The following RYR2 variants were observed in gnomAD, a reference collection of about 807,000 sequenced individuals.
RYR2 encodes cardiac muscle ryanodine receptor-calcium release channel.
A neutral mutation model predicts 601.1 loss-of-function variants in RYR2; 227 were observed. That is an observed-to-expected ratio of 0.38 (90% CI 0.34 to 0.42). The LOEUF is 0.42. Ranked by LOEUF, RYR2 falls within the 10% of genes least tolerant of loss-of-function variation. The pLI, the probability that RYR2 is intolerant of heterozygous loss-of-function variation, is 1.00. For missense variants in RYR2, 4,646 were observed against 6,156.5 expected (o/e 0.75, Z 8.21); for synonymous variants, 2,223 against 2,175.1 (o/e 1.02, Z -0.61).
chr1:237,587,877 A>G (rs1564272), intron 29 of RYR2, among the ~76,000 whole-genome samples: 43,746 of 152,050 alleles, frequency 0.29, 6,832 homozygotes, highest in East Asian at 0.61. Context: ...AAATAAAGTG[A>G]TCAGAAAGAA....
chr1:237,101,273 G>T (rs967186305), intron 1 of RYR2, among the ~76,000 whole-genome samples: 5 of 126,264 alleles, frequency 4.0e-5, no homozygotes, highest in African/African-American at 6.0e-5. Context: ...TTACCTGCCA[G>T]ATTTCAGTCA....
At chr1:237,276,182 G>A (rs756419276) in intron 2 of RYR2, among the ~76,000 whole-genome samples, 4 of 152,008 alleles carry the variant, frequency 2.6e-5, no homozygotes, top group African/African-American at 7.2e-5. Context: ...TAACTGAAAC[G>A]TCCACCTCCT....
chr1:237,623,858 A>T lies in RYR2; in HGVS notation c.6010A>T (p.Met2004Leu), dbSNP rs1209637116. ...DQLLDFHEDL[M>L]THCGIELDED... ...ACTATTGGATTTCCATGAAGATTTG[A>T]TGACACATTGTGGTAAGGTCTTTTT... is the stretch of plus-strand genomic sequence containing the variant. The change falls in exon 39 of 105, where the codon ATG (methionine) becomes TTG (leucine). Residue 2004 changes from methionine (M) to leucine (L), a missense_variant. Coordinates refer to ENST00000366574, the MANE Select transcript of RYR2 (RefSeq NM_001035.3). The T allele has an allele frequency of 6.2e-7, 1 of 1,606,100 alleles. No individual in the cohort carries two copies. The highest frequency in any genetic ancestry group is 1.1e-5 in the South Asian group (1 of 90,924).
chr1:237,596,957 A>C (rs551992356), intron 34 of RYR2, among the ~76,000 whole-genome samples: 1 of 152,244 alleles, frequency 6.6e-6, no homozygotes, highest in Non-Finnish European at 1.5e-5. Flanking sequence ...AAGCAAAAGC[A>C]GAATGAATTC....
intron 2 of RYR2, among the ~76,000 whole-genome samples, chr1:237,319,767 C>A (rs1695448297): frequency 6.6e-6 from 1 of 152,116 alleles, no homozygotes; most frequent in Non-Finnish European, 1.5e-5. Flanking sequence ...AGATTTACTT[C>A]CTGCTGGTTC....
intron 5 of RYR2, among the ~76,000 whole-genome samples, chr1:237,368,729 G>T (rs1001715548): frequency 2.0e-5 from 3 of 152,154 alleles, no homozygotes; most frequent in African/African-American, 7.2e-5. Context: ...TGGGAGGAAT[G>T]AGAAGTTTTT....
intron 1 of RYR2, among the ~76,000 whole-genome samples, chr1:237,209,639 G>T (rs544228975): frequency 6.6e-6 from 1 of 151,976 alleles, no homozygotes; most frequent in Non-Finnish European, 1.5e-5. Flanking sequence ...GATCACTTGA[G>T]TTCAGGAGTT....
At chr1:237,478,483 G>T (rs576261887) in intron 17 of RYR2, among the ~76,000 whole-genome samples, 14 of 152,302 alleles carry the variant, frequency 9.2e-5, no homozygotes, top group Admixed American at 8.5e-4. Context: ...GGATTTAGCA[G>T]TTGTTGGTAG....
intron 1 of RYR2, among the ~76,000 whole-genome samples, chr1:237,051,971 G>A (rs1292995882): frequency 6.6e-6 from 1 of 152,204 alleles, no homozygotes; most frequent in Non-Finnish European, 1.5e-5. Flanking sequence ...CATTACCAGA[G>A]CCTTGCAGGC....
intron 10 of RYR2, among the ~76,000 whole-genome samples, chr1:237,390,177 A>G (rs1202026332): frequency 1.4e-5 from 2 of 145,572 alleles, no homozygotes; most frequent in Admixed American, 6.6e-5. Context: ...ATAAGAGACC[A>G]TGCCAGAGTC....
chr1:237,255,872 T>TGTG (rs1687916134), intron 1 of RYR2, among the ~76,000 whole-genome samples: 2 of 151,348 alleles, frequency 1.3e-5, no homozygotes, highest in South Asian at 4.2e-4. Flanking sequence ...TGTGTGTGTG[T>TGTG]GAGTTTAGCT....
Position 237,594,028 on chromosome 1 carries a change from A to G in RYR2, c.4436+392A>G, listed in dbSNP as rs544730481. On this transcript the variant is annotated intron_variant, in intron 33 of 104. Coordinates refer to ENST00000366574, the MANE Select transcript of RYR2 (RefSeq NM_001035.3). ...TGGTGGGGAGAAAACTGTGAAGACAATGTGGGCTGGTAGTTTAGACCAGGT... is the reference window on the plus strand; with the variant it reads ...TGGTGGGGAGAAAACTGTGAAGACAGTGTGGGCTGGTAGTTTAGACCAGGT... Among the ~76,000 whole-genome samples the G allele has an allele frequency of 1.4e-4, 21 of 152,308 alleles. No individual in the cohort carries two copies. The South Asian group carries it at 4.3e-3, about 32-fold the overall frequency.
chr1:237,504,564 C>G lies in RYR2; in HGVS notation c.2613+1059C>G, dbSNP rs557391031. On this transcript the variant is annotated intron_variant, in intron 22 of 104. Coordinates refer to ENST00000366574, the MANE Select transcript of RYR2 (RefSeq NM_001035.3). Reference sequence around the variant, plus strand: ...GTATACATGCAAGTCACAGGGGATGCGAAGGCTTGGCTTGGGCTCAGAGGC... The same window carrying G: ...GTATACATGCAAGTCACAGGGGATGGGAAGGCTTGGCTTGGGCTCAGAGGC... Among the ~76,000 whole-genome samples, 233 of 152,230 alleles carry G rather than the reference C, an allele frequency of 1.5e-3. 2 individuals carry two copies. Among genetic ancestry groups the G allele is most frequent in the African/African-American group, 5.3e-3 (222 of 41,546 alleles).
chr1:237,198,583 T>C (rs1201298401), intron 1 of RYR2, among the ~76,000 whole-genome samples: 1 of 152,118 alleles, frequency 6.6e-6, no homozygotes, highest in Non-Finnish European at 1.5e-5. Flanking sequence ...CTGAGAAATG[T>C]TGAAAAATGT....
intron 104 of RYR2, among the ~76,000 whole-genome samples, chr1:237,832,114 C>G (rs1279395055): frequency 6.6e-6 from 1 of 152,114 alleles, no homozygotes; most frequent in Non-Finnish European, 1.5e-5. Context: ...TCAGGACCTA[C>G]TACAGCCTTG....
At chr1:237,423,048 T>C in intron 11 of RYR2, 44 bp from the exon 12 acceptor site, 1 of 1,579,840 alleles carries the variant, frequency 6.3e-7, no homozygotes, top group Non-Finnish European at 8.6e-7. Flanking sequence ...ACTCCTTCTG[T>C]GATTGTGGGT....
At chr1:237,710,853 G>T (rs1249354508) in intron 70 of RYR2, among the ~76,000 whole-genome samples, 2 of 152,068 alleles carry the variant, frequency 1.3e-5, no homozygotes, top group South Asian at 2.1e-4. Context: ...ATGAATGAAT[G>T]TATAAATAAA....
At chr1:237,155,917 A>G (rs548639418) in intron 1 of RYR2, among the ~76,000 whole-genome samples, 55 of 152,252 alleles carry the variant, frequency 3.6e-4, no homozygotes, top group African/African-American at 1.2e-3. Flanking sequence ...ATATGGTGGC[A>G]CCCTTTCTGA....
Position 237,183,347 on chromosome 1 carries a change from C to T in RYR2, c.49-87150C>T, listed in dbSNP as rs6657599. On this transcript the variant is annotated intron_variant, in intron 1 of 104. Coordinates refer to ENST00000366574, the MANE Select transcript of RYR2 (RefSeq NM_001035.3). Reference sequence around the variant, plus strand: ...TTAGTTGGAGCAAAAGGACTAGAACCAAGAAAGAGGAATTTAGAAGGAGGC... The same window carrying T: ...TTAGTTGGAGCAAAAGGACTAGAACTAAGAAAGAGGAATTTAGAAGGAGGC... 2.9e-3 allele frequency among the ~76,000 whole-genome samples: 443 copies of T among 152,134 alleles called. 1 individual carries two copies. Among genetic ancestry groups the T allele is most frequent in the African/African-American group, 0.01 (425 of 41,520 alleles).
Sources: allele counts gnomAD v4.1 joint callset (sites outside exome capture counted in the v4.1 genomes callset), GRCh38; gene constraint gnomAD v4.1.1; transcripts MANE v1.5; gene names NCBI Gene and HGNC (gene_info 2026-07-23, HGNC 2026-07-21).